The following WDR7 variants were observed in gnomAD, a reference collection of about 807,000 sequenced individuals.
WDR7 encodes WD repeat domain 7.
In WDR7, 46 loss-of-function variants were observed where a neutral mutation model predicts 169.4. The observed-to-expected ratio is 0.27, with a 90% CI of 0.21 to 0.35. WDR7 has a LOEUF of 0.35. Among genes scored for constraint, WDR7 ranks in the 10% least tolerant of loss-of-function variants. The pLI is 1.00. For missense variants in WDR7, 1,534 were observed against 1,859.3 expected, an observed-to-expected ratio of 0.83 and a Z score of 3.22; for synonymous variants, 612 against 666.8, an observed-to-expected ratio of 0.92 and a Z score of 1.27.
At chr18:56,866,662 C>T (rs1329772198) in intron 20 of WDR7, among the ~76,000 whole-genome samples, 3 of 151,970 alleles carry the variant, frequency 2.0e-5, no homozygotes, top group Non-Finnish European at 4.4e-5. Flanking sequence ...TAAATTCTTG[C>T]TTTGGATTGC....
At chr18:57,018,793 G>A (rs1310770678) in intron 26 of WDR7, among the ~76,000 whole-genome samples, 1 of 152,100 alleles carries the variant, frequency 6.6e-6, no homozygotes, top group Non-Finnish European at 1.5e-5. Context: ...TAGAATTTCA[G>A]ACTTTTAGCA....
chr18:56,816,952 A>G (rs955197238), intron 20 of WDR7, among the ~76,000 whole-genome samples: 1 of 152,206 alleles, frequency 6.6e-6, no homozygotes, highest in Non-Finnish European at 1.5e-5. Flanking sequence ...CTACTAATCA[A>G]TATTTTAGAA....
At chr18:56,671,596 GCTCAGTGTGA>G (rs1403400686) in intron 1 of WDR7, among the ~76,000 whole-genome samples, 3 of 152,274 alleles carry the variant, frequency 2.0e-5, no homozygotes, top group Admixed American at 1.3e-4. Flanking sequence ...AAAATGTTTA[GCTCAGTGTGA>G]AACAGGACTG....
chr18:56,696,501 G>T (rs751686483), intron 12 of WDR7, 39 bp downstream of exon 12: 1 of 1,515,942 alleles, frequency 6.6e-7, no homozygotes, highest in South Asian at 1.2e-5. Flanking sequence ...CACTATGGTA[G>T]AGCCAAGTTA....
chr18:56,942,867 A>G (rs1378897533), intron 25 of WDR7, among the ~76,000 whole-genome samples: 2 of 152,250 alleles, frequency 1.3e-5, no homozygotes, highest in African/African-American at 2.4e-5. Context: ...CAGATTTATA[A>G]CAAAGTTATT....
intron 9 of WDR7, among the ~76,000 whole-genome samples, chr18:56,693,728 C>CA (rs1189122653): frequency 2.6e-4 from 40 of 151,640 alleles, no homozygotes; most frequent in Non-Finnish European, 7.4e-5. Context: ...CGCACCACCA[C>CA]ACCTGGCTAA....
At chr18:56,940,822 C>T (rs1322681192) in intron 25 of WDR7, among the ~76,000 whole-genome samples, 1 of 152,062 alleles carries the variant, frequency 6.6e-6, no homozygotes. Context: ...TGAAAGTGCT[C>T]AATGTTTAAA....
intron 21 of WDR7, among the ~76,000 whole-genome samples, chr18:56,887,922 A>G (rs1165123712): frequency 1.3e-5 from 2 of 152,260 alleles, no homozygotes; most frequent in African/African-American, 2.4e-5. Context: ...ATGTATTGTC[A>G]TGTTTGTTTA....
At chr18:56,887,866 G>A (rs1339290296) in intron 21 of WDR7, among the ~76,000 whole-genome samples, 1 of 152,122 alleles carries the variant, frequency 6.6e-6, no homozygotes, top group African/African-American at 2.4e-5. Flanking sequence ...GATCAGTCAT[G>A]TGTAATATTA....
At chr18:56,896,233 A>G (rs2046330856) in intron 21 of WDR7, among the ~76,000 whole-genome samples, 1 of 152,012 alleles carries the variant, frequency 6.6e-6, no homozygotes, top group East Asian at 1.9e-4. Flanking sequence ...ACTGAATATT[A>G]TAAAGATGTC....
chr18:56,761,935 C>T (rs1480017594), intron 16 of WDR7, among the ~76,000 whole-genome samples: 1 of 151,894 alleles, frequency 6.6e-6, no homozygotes, highest in Admixed American at 6.6e-5. Context: ...TAACCTTTTC[C>T]CAGTTTCAAA....
intron 20 of WDR7, among the ~76,000 whole-genome samples, chr18:56,830,520 C>G (rs2045290516): frequency 6.6e-6 from 1 of 152,204 alleles, no homozygotes; most frequent in South Asian, 2.1e-4. Context: ...GGCCATACAG[C>G]CCAGTTCAGC....
intron 19 of WDR7, among the ~76,000 whole-genome samples, chr18:56,798,347 C>T (rs1429150249): frequency 5.9e-5 from 9 of 152,148 alleles, no homozygotes; most frequent in African/African-American, 2.2e-4. Context: ...CTTTGAGACT[C>T]ATTTGACTGG....
chr18:56,760,562 T>A (rs1241205103), intron 16 of WDR7, among the ~76,000 whole-genome samples: 1 of 152,232 alleles, frequency 6.6e-6, no homozygotes, highest in African/African-American at 2.4e-5. Context: ...GATCACAGTT[T>A]ATTCTCTTTT....
intron 20 of WDR7, among the ~76,000 whole-genome samples, chr18:56,843,830 C>T (rs2045523582): frequency 6.6e-6 from 1 of 151,188 alleles, no homozygotes; most frequent in African/African-American, 2.4e-5. Context: ...ACATCCTCAT[C>T]AACACTCGAT....
chr18:56,817,828 C>G (rs1463981813), intron 20 of WDR7, among the ~76,000 whole-genome samples: 2 of 151,510 alleles, frequency 1.3e-5, no homozygotes, highest in South Asian at 2.1e-4. Flanking sequence ...TCACTGCAAC[C>G]TCCACTCTCA....
At chr18:56,827,179 G>A (rs969366851) in intron 20 of WDR7, among the ~76,000 whole-genome samples, 1 of 152,204 alleles carries the variant, frequency 6.6e-6, no homozygotes, top group Non-Finnish European at 1.5e-5. Context: ...GCCTTGCCCA[G>A]AGCAGACAGA....
chr18:56,902,118 C>T (rs1414951237), intron 21 of WDR7, among the ~76,000 whole-genome samples: 1 of 152,116 alleles, frequency 6.6e-6, no homozygotes, highest in Non-Finnish European at 1.5e-5. Flanking sequence ...GTTCTGTGAC[C>T]TCCGGAACTG....
chr18:56,763,935 GT>G (rs1304673905), intron 16 of WDR7, among the ~76,000 whole-genome samples: 1 of 151,968 alleles, frequency 6.6e-6, no homozygotes, highest in African/African-American at 2.4e-5. Context: ...CATAATTTAT[GT>G]TTTTTCCCTT....
Sources: gnomAD v4.1 joint callset for allele counts (sites outside exome capture counted in the v4.1 genomes callset) on GRCh38, gnomAD v4.1.1 for gene constraint, MANE v1.5 for transcripts, NCBI Gene and HGNC (gene_info 2026-07-23, HGNC 2026-07-21) for gene names.